Variants in TBCE observed in about 807,000 individuals in gnomAD.
TBCE encodes tubulin folding cofactor E, also known as tubulin-specific chaperone E.
TBCE carries 53 observed loss-of-function variants against 77.0 expected under a neutral mutation model. That is an observed-to-expected ratio of 0.69 (90% CI 0.55 to 0.87). The LOEUF is 0.87. TBCE is among the 40% of genes least tolerant of loss of function. The probability of loss-of-function intolerance (pLI) is 0.00; values close to 1 mark genes in which losing one functional copy is unlikely to be tolerated. For missense variants in TBCE, 624 were observed against 622.4 expected, an observed-to-expected ratio of 1.00 and a Z score of -0.03; for synonymous variants, 235 against 241.3, an observed-to-expected ratio of 0.97 and a Z score of 0.24.
Position 235,427,137 on chromosome 1 carries a change from T to C in TBCE, c.461-3T>C. 1 of 1,598,118 alleles carries C rather than the reference T, an allele frequency of 6.3e-7. No homozygotes were observed. On this transcript the variant is annotated splice_polypyrimidine_tract_variant and splice_region_variant and intron_variant, in intron 5 of 16. Coordinates refer to ENST00000642610, the MANE Select transcript of TBCE (RefSeq NM_003193.5). ...ATTACTGTTTCTTAACATGTGCTTTTAGATATCAGAAAGGTAGATTTGTCA... is the reference window on the plus strand; with the variant it reads ...ATTACTGTTTCTTAACATGTGCTTTCAGATATCAGAAAGGTAGATTTGTCA...
chr1:235,385,172 G>T (rs1228921674), intron 2 of TBCE, among the ~76,000 whole-genome samples: 1 of 152,122 alleles, frequency 6.6e-6, no homozygotes, highest in Non-Finnish European at 1.5e-5. Context: ...TTGCACTGTG[G>T]TCTGAGAGAC....
At chr1:235,371,037 G>GTTTTTT (rs1558339723) in intron 1 of TBCE, among the ~76,000 whole-genome samples, 1 of 39,650 alleles carries the variant, frequency 2.5e-5, no homozygotes, top group African/African-American at 7.7e-5. Flanking sequence ...ATCACGCCTG[G>GTTTTTT]CTTTTTTTTT....
At chr1:235,396,057 CTTTTTCTTTT>C (rs1266671691) in intron 2 of TBCE, among the ~76,000 whole-genome samples, 1 of 151,658 alleles carries the variant, frequency 6.6e-6, no homozygotes, top group African/African-American at 2.4e-5. Context: ...TTTTCTTTTT[CTTTTTCTTTT>C]TTTTTCTTTT....
intron 2 of TBCE, among the ~76,000 whole-genome samples, chr1:235,393,612 T>A (rs1211299874): frequency 6.6e-6 from 1 of 152,210 alleles, no homozygotes; most frequent in Non-Finnish European, 1.5e-5. Flanking sequence ...TTAAATGTTT[T>A]TTTTTCATTT....
intron 2 of TBCE, among the ~76,000 whole-genome samples, chr1:235,388,283 C>CTTTTTTTTTTTTTTTTTTTT (rs908940784): frequency 8.5e-6 from 1 of 117,334 alleles, no homozygotes; most frequent in Non-Finnish European, 1.8e-5. Flanking sequence ...TCTGTTACTT[C>CTTTTTTTTTTTTTTTTTTTT]TTTTTTTTTT....
At chr1:235,425,050 C>T (rs189935851) in intron 5 of TBCE, among the ~76,000 whole-genome samples, 20 of 152,244 alleles carry the variant, frequency 1.3e-4, no homozygotes, top group African/African-American at 4.6e-4. Context: ...CTTGGGAGCC[C>T]TGGGCTTCTT....
At chr1:235,395,453 T>G (rs1428520614) in intron 2 of TBCE, among the ~76,000 whole-genome samples, 1 of 152,130 alleles carries the variant, frequency 6.6e-6, no homozygotes, top group Non-Finnish European at 1.5e-5. Context: ...ATCTTATTTA[T>G]GCTATCTGTA....
At chr1:235,390,949 G>A (rs535654209) in intron 2 of TBCE, among the ~76,000 whole-genome samples, 1 of 152,022 alleles carries the variant, frequency 6.6e-6, no homozygotes, top group East Asian at 1.9e-4. Context: ...TCATGTAAAG[G>A]TTCATCTTAC....
chr1:235,429,996 G>A (rs1680993533), intron 6 of TBCE: 1 of 152,512 alleles, frequency 6.6e-6, no homozygotes, highest in African/African-American at 2.4e-5. Context: ...GGGATTACAG[G>A]CGTGAGCTAC....
intron 4 of TBCE, chr1:235,415,003 G>T (rs1200121868): frequency 3.4e-6 from 1 of 295,286 alleles, no homozygotes; most frequent in Non-Finnish European, 6.6e-6. Flanking sequence ...TGCTGGTGCC[G>T]TCTGTTAATA....
chr1:235,379,847 G>GCT (rs1222020501), intron 1 of TBCE, among the ~76,000 whole-genome samples, 172 bp from the exon 2 acceptor site: 2 of 150,788 alleles, frequency 1.3e-5, no homozygotes, highest in Non-Finnish European at 3.0e-5. Context: ...TACTCTGGTG[G>GCT]CTGAGGCACA....
rs888217911 is a variant in TBCE at position 235,440,032 on chromosome 1, G to T, written c.1270+1110G>T. ...GTCGCCCAGGCTGGAGTGCAGTGCC[G>T]CGATCTCCGCTCACTGCAAGCTCCG... On this transcript the variant is annotated intron_variant, in intron 13 of 16. Transcript: ENST00000642610. 1.6e-3 allele frequency among the ~76,000 whole-genome samples: 241 copies of T among 151,884 alleles called. 4 individuals are homozygous for T. The highest frequency in any genetic ancestry group is 2.5e-4 in the Non-Finnish European group (17 of 67,938).
rs192678540 is a variant in TBCE at position 235,447,985 on chromosome 1, C to T, written c.1400-364C>T. ...CAGCACTTTGGGGGGCCAGGGCGGG[C>T]GGATCACGAGGTCAGGAGTTCAAGA... On this transcript the variant is annotated intron_variant, in intron 15 of 16. Coordinates refer to ENST00000642610, the MANE Select transcript of TBCE (RefSeq NM_003193.5). Among the ~76,000 whole-genome samples the T allele has an allele frequency of 1.8e-4, 28 of 151,970 alleles. No individual in the cohort carries two copies. In the East Asian group the frequency reaches 2.1e-3, roughly 12 times the overall value.
At chr1:235,377,064 T>C (rs1313833537) in intron 1 of TBCE, among the ~76,000 whole-genome samples, 1 of 152,238 alleles carries the variant, frequency 6.6e-6, no homozygotes, top group East Asian at 1.9e-4. Flanking sequence ...TGGGCATGTT[T>C]AGATCTGGAT....
At position 235,438,780 on chromosome 1, in the gene TBCE, G is replaced by A. The variant is rs751036181; in HGVS notation, c.1128G>A (p.Glu376=). ...TCACATGAACATAGATTCTCCCCGA[G>A]GAGAGGCGGAGAGCTGAGCTTGACT... ...KTLNKCEILP[E]ERRRAELDYR... is the part of the protein sequence containing the mutation. The change falls in exon 13 of 17, where the codon GAG becomes GAA. Residue 376 remains glutamate, a synonymous_variant. Coordinates refer to ENST00000642610, the MANE Select transcript of TBCE (RefSeq NM_003193.5). 6.2e-7 allele frequency: 1 copy of A among 1,614,128 alleles called. No individual in the cohort carries two copies. Among genetic ancestry groups the A allele is most frequent in the Admixed American group, 1.7e-5 (1 of 60,006 alleles).
intron 2 of TBCE, 111 bp downstream of exon 2, chr1:235,380,260 C>G: frequency 9.3e-7 from 1 of 1,076,818 alleles, no homozygotes; most frequent in Non-Finnish European, 1.4e-6. Flanking sequence ...CACTTTATAC[C>G]ACAAATTTTG....
In TBCE at chr1:235,376,899, G is replaced by C. The variant is rs866921537; in HGVS notation, c.-31-3120G>C. Among the ~76,000 whole-genome samples, 13 of 152,142 alleles carry C rather than the reference G, an allele frequency of 8.5e-5. No homozygotes were observed. The South Asian group carries it at 1.2e-3, about 15-fold the overall frequency. The stretch of plus-strand genomic sequence containing the variant: ...TGAGGCGGAAGAATCGCTTGAACCC[G>C]GGAGATGGAGGTTGCAGTGAGCTGA... On this transcript the variant is annotated intron_variant, in intron 1 of 16. Coordinates refer to ENST00000642610, the MANE Select transcript of TBCE (RefSeq NM_003193.5).
intron 2 of TBCE, among the ~76,000 whole-genome samples, chr1:235,394,422 T>C (rs1474292585): frequency 1.5e-4 from 19 of 124,610 alleles, no homozygotes; most frequent in African/African-American, 4.8e-4. Context: ...TAATTTCTTT[T>C]TTTTTTTTTT....
chr1:235,374,335 C>G (rs1401090835), intron 1 of TBCE, among the ~76,000 whole-genome samples: 1 of 145,656 alleles, frequency 6.9e-6, no homozygotes, highest in African/African-American at 2.7e-5. Flanking sequence ...GCGTTCAGTT[C>G]TAGATATCGC....
Sources: gnomAD v4.1 joint callset for allele counts (sites outside exome capture counted in the v4.1 genomes callset) on GRCh38, gnomAD v4.1.1 for gene constraint, MANE v1.5 for transcripts, NCBI Gene and HGNC (gene_info 2026-07-23, HGNC 2026-07-21) for gene names.